The following NKD1 variants were observed in gnomAD, a reference collection of about 807,000 sequenced individuals.
The protein encoded by NKD1 is protein naked cuticle homolog 1.
NKD1 carries 21 observed loss-of-function variants against 56.0 expected under a neutral mutation model. The observed-to-expected ratio is 0.38, with a 90% CI of 0.27 to 0.54. The LOEUF (loss-of-function observed/expected upper bound fraction) is 0.54. Among genes scored for constraint, NKD1 ranks in the 20% least tolerant of loss-of-function variants. The pLI, the probability that NKD1 is intolerant of heterozygous loss-of-function variation, is 0.82. For missense variants in NKD1, 578 were observed against 642.7 expected (o/e 0.90, Z 1.09); for synonymous variants, 263 against 265.7 (o/e 0.99, Z 0.10).
chr16:50,561,682 A>G (rs1161316131), intron 3 of NKD1, among the ~76,000 whole-genome samples: 1 of 152,228 alleles, frequency 6.6e-6, no homozygotes, highest in Non-Finnish European at 1.5e-5. Context: ...TCCCAAGAGT[A>G]TAGAAGCAAA....
intron 3 of NKD1, chr16:50,562,230 C>T (rs1567334707): frequency 1.6e-5 from 14 of 851,416 alleles, no homozygotes; most frequent in Non-Finnish European, 2.0e-5. Flanking sequence ...GCTGAATGAG[C>T]AAAGCAACTG....
At chr16:50,578,287 C>T (rs573073745) in intron 3 of NKD1, among the ~76,000 whole-genome samples, 7 of 152,228 alleles carry the variant, frequency 4.6e-5, no homozygotes, top group Non-Finnish European at 1.0e-4. Flanking sequence ...GAGAACTAAT[C>T]ACATGGCCCC....
chr16:50,629,198 AGTGATCCTCCCACTTTGGCC>A (rs1962289421), intron 6 of NKD1, among the ~76,000 whole-genome samples: 1 of 152,032 alleles, frequency 6.6e-6, no homozygotes, highest in South Asian at 2.1e-4. Flanking sequence ...TCTGGGCTGA[AGTGATCCTCCCACTTTGGCC>A]TCCCAAAGTG....
At chr16:50,621,273 C>T (rs1962080812) in intron 4 of NKD1, among the ~76,000 whole-genome samples, 1 of 152,130 alleles carries the variant, frequency 6.6e-6, no homozygotes, top group Non-Finnish European at 1.5e-5. Context: ...GCTCCAGAAG[C>T]ACCCCTCCAC....
chr16:50,588,544 G>C (rs1961278382), intron 3 of NKD1, among the ~76,000 whole-genome samples: 1 of 151,238 alleles, frequency 6.6e-6, no homozygotes, highest in Non-Finnish European at 1.5e-5. Context: ...TGAAATCCCA[G>C]TGCTGCCACT....
intron 3 of NKD1, chr16:50,606,706 G>A (rs755045454): frequency 6.9e-6 from 3 of 436,238 alleles, no homozygotes; most frequent in African/African-American, 4.0e-5. Context: ...TCACCCGGCT[G>A]CAGTGCAGTC....
intron 5 of NKD1, among the ~76,000 whole-genome samples, chr16:50,624,820 C>G (rs1055034435): frequency 1.3e-5 from 2 of 152,222 alleles, no homozygotes; most frequent in African/African-American, 4.8e-5. Flanking sequence ...CCAGGCTCTT[C>G]AGGGCTGCCC....
intron 3 of NKD1, among the ~76,000 whole-genome samples, chr16:50,568,602 C>T (rs1359391097): frequency 6.6e-6 from 1 of 152,186 alleles, no homozygotes; most frequent in Non-Finnish European, 1.5e-5. Context: ...TGAATCTACT[C>T]ATCCCACAGC....
chr16:50,570,772 G>A, intron 3 of NKD1: 1 of 981,148 alleles, frequency 1.0e-6, no homozygotes, highest in Non-Finnish European at 1.2e-6. Context: ...CCACTCCCAG[G>A]ATCTATGGAG....
At position 50,633,686 on chromosome 16, in the gene NKD1, G is replaced by T. The variant is rs765738928; in HGVS notation, c.1318G>T (p.Val440Leu). 6.3e-7 allele frequency: 1 copy of T among 1,599,322 alleles called. No individual in the cohort carries two copies. The highest frequency in any genetic ancestry group is 8.5e-7 in the Non-Finnish European group (1 of 1,173,534). ...EHLRELPALV[V>L]YESQAGQPVQ... ...CCTGCGGGAGCTGCCCGCCTTGGTG[G>T]TGTATGAGAGCCAGGCCGGGCAGCC... Residue 440 changes from valine (V) to leucine (L), a missense_variant, in exon 10 of 10, where the codon GTG becomes TTG. Val to Leu is a conservative substitution (Grantham distance 32). Coordinates refer to ENST00000268459, the MANE Select transcript of NKD1 (RefSeq NM_033119.5). The surrounding 1 kb of genome is among the most constrained non-coding windows in gnomAD (Gnocchi z 4.9).
At chr16:50,548,998 GCT>G in intron 2 of NKD1, 1 of 882,338 alleles carries the variant, frequency 1.1e-6, no homozygotes, top group Non-Finnish European at 1.3e-6. Context: ...CCTGCCCTCG[GCT>G]CTCACGGCAC....
chr16:50,607,911 C>G (rs1343261722), intron 3 of NKD1: 4 of 207,358 alleles, frequency 1.9e-5, no homozygotes, highest in Non-Finnish European at 3.0e-5. Flanking sequence ...CCCTCGCTAA[C>G]TTGACATCTC....
At chr16:50,565,466 C>G (rs990342398) in intron 3 of NKD1, among the ~76,000 whole-genome samples, 1 of 152,012 alleles carries the variant, frequency 6.6e-6, no homozygotes, top group Non-Finnish European at 1.5e-5. Context: ...ATTGCTTGAG[C>G]CCAGGAGTTT....
chr16:50,556,088 C>A (rs1353860643), intron 3 of NKD1: 3 of 152,188 alleles, frequency 2.0e-5, no homozygotes, highest in Non-Finnish European at 4.4e-5. Flanking sequence ...TTGAAGGCCT[C>A]AGTTGTTTAA....
chr16:50,593,861 T>C (rs1961420450), intron 3 of NKD1, among the ~76,000 whole-genome samples: 1 of 152,206 alleles, frequency 6.6e-6, no homozygotes, highest in African/African-American at 2.4e-5. Flanking sequence ...TGTCCTATGT[T>C]TTTATTTGTG....
Position 50,598,781 on chromosome 16 carries a change from G to A in NKD1, c.193-9513G>A, listed in dbSNP as rs1288900101. Among the ~76,000 whole-genome samples, 1 of 152,172 alleles carries A rather than the reference G, an allele frequency of 6.6e-6. No individual in the cohort carries two copies. Among genetic ancestry groups the A allele is most frequent in the East Asian group, 1.9e-4 (1 of 5,186 alleles). On this transcript the variant is annotated intron_variant, in intron 3 of 9. Coordinates refer to ENST00000268459, the MANE Select transcript of NKD1 (RefSeq NM_033119.5). This position sits in a 1 kb window ranked among gnomAD's most constrained non-coding sequence, Gnocchi z 4.2. ...GTGGTGGCATGGTGGGGCCAGTGGT[G>A]TGGTGGGCAGTGGTGTGGCAGGATC... is the stretch of plus-strand genomic sequence containing the variant.
chr16:50,583,954 CTTAA>C (rs1555488669), intron 3 of NKD1, among the ~76,000 whole-genome samples: 1 of 152,212 alleles, frequency 6.6e-6, no homozygotes, highest in Non-Finnish European at 1.5e-5. Context: ...CACTCATTCT[CTTAA>C]TTCTCAGGCA....
At chr16:50,584,203 G>A (rs1312291649) in intron 3 of NKD1, among the ~76,000 whole-genome samples, 2 of 152,242 alleles carry the variant, frequency 1.3e-5, no homozygotes, top group South Asian at 2.1e-4. Context: ...TCTCCTTGTT[G>A]TGTATGTCCT....
chr16:50,606,874 T>C (rs9940490), intron 3 of NKD1: 6,087 of 456,634 alleles, frequency 0.013, 320 homozygotes, highest in African/African-American at 0.11. Context: ...AAAGATGGGC[T>C]TCAATTGGCT....
Sources: allele counts gnomAD v4.1 joint callset (sites outside exome capture counted in the v4.1 genomes callset), GRCh38; gene constraint gnomAD v4.1.1; non-coding constraint Gnocchi (gnomAD v3.1); transcripts MANE v1.5; gene names NCBI Gene and HGNC (gene_info 2026-07-23, HGNC 2026-07-21).